Variants in B3GALT1 observed in about 807,000 individuals in gnomAD.
The protein encoded by B3GALT1 is beta-1,3-galactosyltransferase 1.
A neutral mutation model predicts 23.2 loss-of-function variants in B3GALT1; 10 were observed. The ratio of observed to expected loss-of-function variants is 0.43; its 90% CI spans 0.27 to 0.73. B3GALT1 has a LOEUF of 0.73. B3GALT1 is among the 30% of genes least tolerant of loss of function. B3GALT1 has a pLI of 0.21. For missense variants in B3GALT1, 299 were observed against 405.4 expected, an observed-to-expected ratio of 0.74 and a Z score of 2.25; for synonymous variants, 156 against 141.5, an observed-to-expected ratio of 1.10 and a Z score of -0.73.
chr2:167,749,270 C>T (rs1687697504), intron 3 of B3GALT1, among the ~76,000 whole-genome samples: 1 of 152,262 alleles, frequency 6.6e-6, no homozygotes, highest in Non-Finnish European at 1.5e-5. Context: ...TTCCAGGTAA[C>T]ACTCAGGGAA....
chr2:167,764,382 C>T (rs1357276285), intron 3 of B3GALT1, among the ~76,000 whole-genome samples: 1 of 152,126 alleles, frequency 6.6e-6, no homozygotes, highest in Non-Finnish European at 1.5e-5. Flanking sequence ...TCTTAGGTGG[C>T]AATTTTCTGC....
chr2:167,688,463 A>G (rs1371774715), intron 3 of B3GALT1, among the ~76,000 whole-genome samples: 1 of 152,180 alleles, frequency 6.6e-6, no homozygotes, highest in Non-Finnish European at 1.5e-5. Context: ...AATATAAAAT[A>G]TGAAGAAGGA....
intron 4 of B3GALT1, among the ~76,000 whole-genome samples, chr2:167,844,166 G>T (rs548533679): frequency 6.6e-6 from 1 of 152,334 alleles, no homozygotes; most frequent in South Asian, 2.1e-4. Flanking sequence ...TGGGGGAAAA[G>T]CACATGAAAA....
chr2:167,685,483 T>G (rs1420656519), intron 3 of B3GALT1, among the ~76,000 whole-genome samples: 1 of 152,156 alleles, frequency 6.6e-6, no homozygotes, highest in Non-Finnish European at 1.5e-5. Context: ...TGAGAAGGCC[T>G]TTAGCAAAGA....
chr2:167,534,493 G>A (rs1273887083), intron 2 of B3GALT1, among the ~76,000 whole-genome samples: 2 of 152,068 alleles, frequency 1.3e-5, no homozygotes, highest in Non-Finnish European at 2.9e-5. Flanking sequence ...ATACTAGTTG[G>A]AAATATTTCT....
intron 1 of B3GALT1, among the ~76,000 whole-genome samples, chr2:167,450,802 G>C (rs773594698): frequency 6.6e-6 from 1 of 152,150 alleles, no homozygotes; most frequent in Non-Finnish European, 1.5e-5. Flanking sequence ...CAAACTTTTA[G>C]ATTTCTTTTC....
At chr2:167,467,599 C>T (rs1357914865) in intron 1 of B3GALT1, among the ~76,000 whole-genome samples, 2 of 152,134 alleles carry the variant, frequency 1.3e-5, no homozygotes, top group Non-Finnish European at 2.9e-5. Flanking sequence ...AGCAGAAGGC[C>T]ATTCCGTGGT....
chr2:167,364,412 T>G (rs991420520), intron 1 of B3GALT1, among the ~76,000 whole-genome samples: 2 of 151,998 alleles, frequency 1.3e-5, no homozygotes, highest in Non-Finnish European at 2.9e-5. Context: ...TTGTTACATA[T>G]GTATACATGT....
intron 3 of B3GALT1, among the ~76,000 whole-genome samples, chr2:167,792,777 C>A (rs1453303021): frequency 6.6e-6 from 1 of 152,034 alleles, no homozygotes; most frequent in African/African-American, 2.4e-5. Context: ...GAGCCCCAGC[C>A]TGCAGACAGG....
At chr2:167,590,730 C>A (rs1265562582) in intron 2 of B3GALT1, among the ~76,000 whole-genome samples, 1 of 152,100 alleles carries the variant, frequency 6.6e-6, no homozygotes, top group Non-Finnish European at 1.5e-5. Context: ...CCAAATGACT[C>A]TTGATATTTT....
At chr2:167,789,919 C>T (rs1259101700) in intron 3 of B3GALT1, among the ~76,000 whole-genome samples, 1 of 152,140 alleles carries the variant, frequency 6.6e-6, no homozygotes, top group Non-Finnish European at 1.5e-5. Context: ...GCGGTAGGCC[C>T]ACTCCTCTTG....
chr2:167,799,651 T>C (rs1292452278), intron 3 of B3GALT1, among the ~76,000 whole-genome samples: 1 of 152,188 alleles, frequency 6.6e-6, no homozygotes. Context: ...GTTTGAACAA[T>C]TGTTTCAAAC....
intron 2 of B3GALT1, among the ~76,000 whole-genome samples, chr2:167,537,267 T>C (rs1444053174): frequency 6.6e-6 from 1 of 151,964 alleles, no homozygotes; most frequent in East Asian, 1.9e-4. Flanking sequence ...GAAAACAGTA[T>C]GGGGGAAACC....
chr2:167,853,534 A>C (rs1415357353), intron 4 of B3GALT1, among the ~76,000 whole-genome samples: 1 of 152,174 alleles, frequency 6.6e-6, no homozygotes, highest in Non-Finnish European at 1.5e-5. Flanking sequence ...CCTTAAAGGT[A>C]GGAAATTTGC....
intron 2 of B3GALT1, among the ~76,000 whole-genome samples, chr2:167,518,507 G>A (rs565232394): frequency 2.0e-4 from 30 of 152,240 alleles, no homozygotes; most frequent in Admixed American, 1.4e-3. Context: ...AAGTAATACT[G>A]AATACTGAAT....
chr2:167,508,411 A>C (rs1699955406), intron 2 of B3GALT1, among the ~76,000 whole-genome samples: 1 of 151,650 alleles, frequency 6.6e-6, no homozygotes, highest in Non-Finnish European at 1.5e-5. Flanking sequence ...GGCACCCGCC[A>C]CCACTCCCGG....
At chr2:167,412,523 A>G (rs1698408163) in intron 1 of B3GALT1, among the ~76,000 whole-genome samples, 1 of 152,208 alleles carries the variant, frequency 6.6e-6, no homozygotes. Flanking sequence ...TCATTATATA[A>G]AGAAGACTTG....
intron 2 of B3GALT1, among the ~76,000 whole-genome samples, chr2:167,591,594 G>A (rs762574113): frequency 6.6e-6 from 1 of 151,890 alleles, no homozygotes; most frequent in Admixed American, 6.6e-5. Context: ...CTCAGCCTTC[G>A]GAGTAGCTGG....
intron 1 of B3GALT1, among the ~76,000 whole-genome samples, chr2:167,416,375 G>A (rs112780980): frequency 1.3e-5 from 2 of 152,334 alleles, no homozygotes; most frequent in African/African-American, 4.8e-5. Flanking sequence ...CAACCTTAGT[G>A]GCATCCATGT....
Sources: gnomAD v4.1 joint callset for allele counts (sites outside exome capture counted in the v4.1 genomes callset) on GRCh38, gnomAD v4.1.1 for gene constraint, MANE v1.5 for transcripts, NCBI Gene and HGNC (gene_info 2026-07-23, HGNC 2026-07-21) for gene names.